HOMER1: variants seen among roughly 807,000 people sequenced by gnomAD.
HOMER1 encodes homer protein homolog 1.
Under a neutral mutation model 48.9 loss-of-function variants are expected in HOMER1, and 3 were observed. The observed-to-expected ratio is 0.06, with a 90% CI of 0.03 to 0.16. HOMER1 has a LOEUF of 0.16. HOMER1 is among the 10% of genes least tolerant of loss of function. The pLI is 1.00. For missense variants in HOMER1, 247 were observed against 411.4 expected (o/e 0.60, Z 3.46); for synonymous variants, 134 against 146.4 (o/e 0.92, Z 0.61).
intron 1 of HOMER1, among the ~76,000 whole-genome samples, chr5:79,491,076 A>C (rs998980316): frequency 2.2e-4 from 7 of 31,478 alleles, no homozygotes; most frequent in African/African-American, 1.8e-3. Context: ...GTACCAAAGC[A>C]AAAAAAAAAA....
At chr5:79,379,459 A>ATATATATTT (rs1491365038) in intron 8 of HOMER1, among the ~76,000 whole-genome samples, 2 of 108,684 alleles carry the variant, frequency 1.8e-5, no homozygotes, top group Non-Finnish European at 3.5e-5. Context: ...ATAATATATA[A>ATATATATTT]TATATATTTT....
intron 1 of HOMER1, among the ~76,000 whole-genome samples, chr5:79,479,530 C>T (rs1052586806): frequency 2.0e-5 from 3 of 152,060 alleles, no homozygotes; most frequent in Admixed American, 2.0e-4. Context: ...AGGCCATGAA[C>T]CAGGAATGCA....
At chr5:79,511,830 T>C (rs1752953787) in intron 1 of HOMER1, among the ~76,000 whole-genome samples, 1 of 152,216 alleles carries the variant, frequency 6.6e-6, no homozygotes, top group Non-Finnish European at 1.5e-5. Flanking sequence ...GCAGAGTCCA[T>C]TCTTTAAAAC....
chr5:79,400,942 T>TC (rs1284915498), intron 6 of HOMER1, among the ~76,000 whole-genome samples: 3 of 146,716 alleles, frequency 2.0e-5, no homozygotes, highest in Non-Finnish European at 4.5e-5. Flanking sequence ...AGATTTTTTT[T>TC]TTTTTTTTTT....
chr5:79,403,497 C>T (rs529158451), intron 5 of HOMER1, among the ~76,000 whole-genome samples: 1 of 152,204 alleles, frequency 6.6e-6, no homozygotes, highest in Admixed American at 6.5e-5. Context: ...TGCGTAACTT[C>T]AGTCAAACAA....
At chr5:79,472,934 T>C (rs1751663410) in intron 1 of HOMER1, among the ~76,000 whole-genome samples, 3 of 152,212 alleles carry the variant, frequency 2.0e-5, no homozygotes, top group South Asian at 2.1e-4. Flanking sequence ...CCATCAACTA[T>C]GTCTGTTCAG....
chr5:79,449,139 C>T (rs980146031), intron 3 of HOMER1, among the ~76,000 whole-genome samples: 16 of 152,022 alleles, frequency 1.1e-4, no homozygotes, highest in Non-Finnish European at 1.6e-4. Context: ...GCCCAAAAAG[C>T]ATTTAAGGCA....
At chr5:79,391,834 G>A (rs1474993847) in intron 8 of HOMER1, among the ~76,000 whole-genome samples, 8 of 151,812 alleles carry the variant, frequency 5.3e-5, no homozygotes, top group Admixed American at 2.6e-4. Flanking sequence ...GAAAGAACAA[G>A]TATATCAAAT....
chr5:79,417,353 A>G (rs1224349581), intron 5 of HOMER1, among the ~76,000 whole-genome samples: 1 of 152,186 alleles, frequency 6.6e-6, no homozygotes, highest in African/African-American at 2.4e-5. Context: ...CGTGTTAGCC[A>G]GGATGGTCTC....
At chr5:79,501,855 A>G (rs1752601678) in intron 1 of HOMER1, among the ~76,000 whole-genome samples, 2 of 152,156 alleles carry the variant, frequency 1.3e-5, no homozygotes, top group African/African-American at 4.8e-5. Context: ...ATACTCTAAT[A>G]ACTGACAAGA....
intron 5 of HOMER1, among the ~76,000 whole-genome samples, chr5:79,415,994 T>C (rs1749933701): frequency 6.6e-6 from 1 of 152,196 alleles, no homozygotes; most frequent in Non-Finnish European, 1.5e-5. Flanking sequence ...AAATAGCCTA[T>C]GTAAATGTAC....
intron 8 of HOMER1, among the ~76,000 whole-genome samples, chr5:79,387,629 A>G (rs894277302): frequency 8.5e-5 from 13 of 152,212 alleles, no homozygotes; most frequent in African/African-American, 3.1e-4. Flanking sequence ...CACATTTTGA[A>G]GCAGTTATTC....
chr5:79,475,568 G>A (rs1341243566), intron 1 of HOMER1, among the ~76,000 whole-genome samples: 1 of 151,620 alleles, frequency 6.6e-6, no homozygotes, highest in Non-Finnish European at 1.5e-5. Context: ...TACCACATGT[G>A]ATAAAATCTA....
chr5:79,495,532 T>A (rs148130454), intron 1 of HOMER1, among the ~76,000 whole-genome samples: 1 of 152,204 alleles, frequency 6.6e-6, no homozygotes, highest in African/African-American at 2.4e-5. Context: ...TACATGGCTA[T>A]CTACTTATCT....
At chr5:79,386,611 A>G (rs139268101) in intron 8 of HOMER1, among the ~76,000 whole-genome samples, 251 of 152,302 alleles carry the variant, frequency 1.6e-3, no homozygotes, top group Non-Finnish European at 2.3e-3. Context: ...AAGTAGTTAT[A>G]AGAGAGGGAT....
chr5:79,399,703 C>T (rs924926037), intron 6 of HOMER1, among the ~76,000 whole-genome samples: 2 of 152,046 alleles, frequency 1.3e-5, no homozygotes, highest in African/African-American at 4.8e-5. Flanking sequence ...GTGGTCTCTA[C>T]AACATCTCAT....
intron 1 of HOMER1, among the ~76,000 whole-genome samples, chr5:79,470,677 T>C (rs763410726): frequency 1.3e-5 from 2 of 152,156 alleles, no homozygotes; most frequent in Non-Finnish European, 2.9e-5. Context: ...CTAAATTCAA[T>C]GTTAGTCATT....
In HOMER1 at chr5:79,466,363, C is replaced by T. The variant is rs570103009; in HGVS notation, c.6-9345G>A. 1.4e-3 allele frequency among the ~76,000 whole-genome samples: 208 copies of T among 151,920 alleles called. 1 individual carries two copies. The highest frequency in any genetic ancestry group is 1.9e-3 in the Non-Finnish European group (130 of 67,958). On this transcript the variant is annotated intron_variant, in intron 1 of 8. Coordinates refer to ENST00000334082, the MANE Select transcript of HOMER1 (RefSeq NM_004272.5). The stretch of plus-strand genomic sequence containing the variant: ...AACCCCATCTCTACAAAAAATTAGC[C>T]GGGCATGGTGGCGCACACCTGTGGT...
intron 5 of HOMER1, among the ~76,000 whole-genome samples, chr5:79,408,521 AAC>A (rs1448527781): frequency 2.0e-5 from 3 of 152,232 alleles, no homozygotes; most frequent in Admixed American, 2.0e-4. Context: ...AAGGAGAAAT[AAC>A]AGTCTTTTAA....
Sources: gnomAD v4.1 joint callset for allele counts (sites outside exome capture counted in the v4.1 genomes callset) on GRCh38, gnomAD v4.1.1 for gene constraint, MANE v1.5 for transcripts, NCBI Gene and HGNC (gene_info 2026-07-23, HGNC 2026-07-21) for gene names.